RPS6KA5: variants seen among roughly 807,000 people sequenced by gnomAD.
The protein encoded by RPS6KA5 is ribosomal protein S6 kinase A5.
In RPS6KA5, 27 loss-of-function variants were observed where a neutral mutation model predicts 85.5. That is an observed-to-expected ratio of 0.32 (90% CI 0.23 to 0.44). The LOEUF (loss-of-function observed/expected upper bound fraction) is 0.44. RPS6KA5 is among the 20% of genes least tolerant of loss of function. The pLI, the probability that RPS6KA5 is intolerant of heterozygous loss-of-function variation, is 1.00. For missense variants in RPS6KA5, 811 were observed against 980.9 expected (o/e 0.83, Z 2.31); for synonymous variants, 334 against 348.2 (o/e 0.96, Z 0.46).
chr14:90,925,749 G>A (rs898646410), intron 5 of RPS6KA5, among the ~76,000 whole-genome samples: 3 of 151,088 alleles, frequency 2.0e-5, no homozygotes, highest in African/African-American at 7.3e-5. Flanking sequence ...TGGGCAAGAT[G>A]GTGAAACCCT....
intron 3 of RPS6KA5, among the ~76,000 whole-genome samples, chr14:90,975,349 C>T (rs2039515422): frequency 6.6e-6 from 1 of 152,206 alleles, no homozygotes; most frequent in Admixed American, 6.5e-5. Flanking sequence ...TGAACTGTAT[C>T]TTCCCAAAAC....
chr14:90,873,981 A>G (rs949686187), intron 15 of RPS6KA5, among the ~76,000 whole-genome samples, 186 bp from the exon 16 acceptor site: 1 of 152,242 alleles, frequency 6.6e-6, no homozygotes, highest in African/African-American at 2.4e-5. Flanking sequence ...GTCTAATGAT[A>G]AAGTCACAGT....
chr14:90,882,626 C>G (rs2033916216), intron 14 of RPS6KA5, among the ~76,000 whole-genome samples: 1 of 152,242 alleles, frequency 6.6e-6, no homozygotes, highest in East Asian at 1.9e-4. Flanking sequence ...ACTTCTCCCT[C>G]CACTTTGAAG....
chr14:90,971,897 G>C (rs768326261), intron 3 of RPS6KA5, among the ~76,000 whole-genome samples: 1 of 152,202 alleles, frequency 6.6e-6, no homozygotes, highest in African/African-American at 2.4e-5. Flanking sequence ...GAAGGAACTG[G>C]GCAAGACATG....
chr14:91,060,312 C>G lies in RPS6KA5; in HGVS notation c.103+20G>C. ...GCGCCCCCGCGCCGGGCCCGGCCGG[C>G]AGAGGGCGGGGTCGCTCACCAGTCC... On this transcript the variant is annotated intron_variant, in intron 1 of 16. Transcript: ENST00000614987. 8.0e-7 allele frequency: 1 copy of G among 1,249,778 alleles called. No homozygotes were observed. Among genetic ancestry groups the G allele is most frequent in the Non-Finnish European group, 1.0e-6 (1 of 994,522 alleles). 77.4% of individuals were successfully genotyped at this position (1,249,778 alleles called of 1,614,324 possible).
chr14:91,017,310 G>T (rs2041546060), intron 1 of RPS6KA5, among the ~76,000 whole-genome samples: 1 of 152,218 alleles, frequency 6.6e-6, no homozygotes, highest in African/African-American at 2.4e-5. Flanking sequence ...TCTGGATACA[G>T]ATTTGCCTTC....
chr14:91,047,396 G>C (rs2042918061), intron 1 of RPS6KA5, among the ~76,000 whole-genome samples: 3 of 152,160 alleles, frequency 2.0e-5, no homozygotes, highest in Non-Finnish European at 2.9e-5. Flanking sequence ...ATGAAAAACA[G>C]AACAGCTGGT....
At chr14:91,008,942 G>A (rs2041143560) in intron 1 of RPS6KA5, among the ~76,000 whole-genome samples, 1 of 152,222 alleles carries the variant, frequency 6.6e-6, no homozygotes, top group African/African-American at 2.4e-5. Flanking sequence ...TCTGGTCTGA[G>A]TAAAAACTAG....
intron 5 of RPS6KA5, among the ~76,000 whole-genome samples, chr14:90,926,466 A>G (rs1170899504): frequency 6.6e-6 from 1 of 151,944 alleles, no homozygotes. Context: ...TATCCAGAAT[A>G]TTGCAAAAGT....
chr14:90,903,213 G>A (rs1317883901), intron 8 of RPS6KA5, among the ~76,000 whole-genome samples: 3 of 152,092 alleles, frequency 2.0e-5, no homozygotes, highest in Admixed American at 6.6e-5. Flanking sequence ...CCTCTGGGGG[G>A]CACCAAGACA....
intron 4 of RPS6KA5, 73 bp from the exon 5 acceptor site, chr14:90,943,258 C>T: frequency 2.5e-6 from 2 of 794,004 alleles, no homozygotes; most frequent in Non-Finnish European, 3.9e-6. Flanking sequence ...TTCTCGTCTA[C>T]CTTTATTTAT....
At chr14:91,056,169 A>C (rs1461448184) in intron 1 of RPS6KA5, among the ~76,000 whole-genome samples, 1 of 152,246 alleles carries the variant, frequency 6.6e-6, no homozygotes, top group East Asian at 1.9e-4. Flanking sequence ...ACCACAATAC[A>C]TAAACTTCCT....
intron 9 of RPS6KA5, among the ~76,000 whole-genome samples, chr14:90,901,856 A>C (rs1455468767): frequency 6.6e-6 from 1 of 152,256 alleles, no homozygotes; most frequent in Non-Finnish European, 1.5e-5. Context: ...GAAGGTAAAG[A>C]ATAAGGTAAC....
At chr14:90,912,904 C>CTTTTTTTTTTTTTT in intron 7 of RPS6KA5, among the ~76,000 whole-genome samples, 1 of 53,298 alleles carries the variant, frequency 1.9e-5, no homozygotes, top group Non-Finnish European at 3.2e-5. Context: ...CATAAAGCAT[C>CTTTTTTTTTTTTTT]TTTTTTTTTT....
intron 2 of RPS6KA5, among the ~76,000 whole-genome samples, chr14:90,989,098 G>C (rs1166083566): frequency 6.6e-6 from 1 of 151,732 alleles, no homozygotes; most frequent in Non-Finnish European, 1.5e-5. Flanking sequence ...TTCAATTTAG[G>C]TTACAGCTTT....
intron 9 of RPS6KA5, among the ~76,000 whole-genome samples, chr14:90,902,302 TAGCAAG>T (rs2035213917): frequency 6.6e-6 from 1 of 151,964 alleles, no homozygotes; most frequent in Non-Finnish European, 1.5e-5. Context: ...TTAGGCAACA[TAGCAAG>T]ATCCTATCTC....
chr14:91,060,535 G>A lies in RPS6KA5; in HGVS notation c.-101C>T, dbSNP rs2043626714. 1.6e-6 allele frequency: 2 copies of A among 1,224,328 alleles called. No individual in the cohort carries two copies. Among genetic ancestry groups the A allele is most frequent in the East Asian group, 3.3e-5 (1 of 30,656 alleles). 75.8% of individuals were successfully genotyped at this position (1,224,328 alleles called of 1,614,324 possible). A position where few individuals can be genotyped will look rare whatever the true frequency, so the allele number is the denominator to read the frequency against. On this transcript the variant is annotated 5_prime_UTR_variant, in exon 1 of 17. Transcript: ENST00000614987. ...CCGCTGCCGCGGCCCCAGGAGTCGG[G>A]GTGCGGCGGCTCCAGAACTCGGACG...
intron 5 of RPS6KA5, among the ~76,000 whole-genome samples, chr14:90,936,057 C>G (rs2037238569): frequency 6.6e-6 from 1 of 152,098 alleles, no homozygotes; most frequent in Admixed American, 6.5e-5. Flanking sequence ...GTTTGTAAAA[C>G]TGTACTACCA....
At chr14:90,956,872 T>C (rs925896849) in intron 3 of RPS6KA5, among the ~76,000 whole-genome samples, 6 of 151,868 alleles carry the variant, frequency 4.0e-5, no homozygotes, top group Admixed American at 3.3e-4. Context: ...TTACTATATA[T>C]AATTTTGTCT....
Sources: allele counts gnomAD v4.1 joint callset (sites outside exome capture counted in the v4.1 genomes callset), GRCh38; gene constraint gnomAD v4.1.1; transcripts MANE v1.5; gene names NCBI Gene and HGNC (gene_info 2026-07-23, HGNC 2026-07-21).